Variants in DGLUCY observed in about 807,000 individuals in gnomAD.
DGLUCY encodes the protein D-glutamate cyclase, mitochondrial.
DGLUCY carries 58 observed loss-of-function variants against 58.5 expected under a neutral mutation model. The observed-to-expected ratio is 0.99, with a 90% CI of 0.80 to 1.23. The LOEUF is 1.23. DGLUCY is among the 50% of genes most tolerant of loss of function. DGLUCY has a pLI of 0.00. For missense variants in DGLUCY, 779 were observed against 784.7 expected (o/e 0.99, Z 0.09); for synonymous variants, 325 against 314.1 (o/e 1.03, Z -0.37).
Position 91,167,504 on chromosome 14 carries a change from C to T in DGLUCY, c.257+126C>T, listed in dbSNP as rs1052107113. On this transcript the variant is annotated intron_variant, in intron 4 of 13. Coordinates refer to ENST00000256324, the MANE Select transcript of DGLUCY (RefSeq NM_001102368.3). ...CTTCACAGTGCCTGGCACAGAACCT[C>T]ACTCATGACTGTTGCTCAGGAACGA... 6 of 1,255,172 alleles carry T rather than the reference C, an allele frequency of 4.8e-6. No individual in the cohort carries two copies. The African/African-American group carries it at 6.0e-5, about 12-fold the overall frequency. 77.8% of individuals were successfully genotyped at this position (1,255,172 alleles called of 1,614,324 possible). A position where few individuals can be genotyped will look rare whatever the true frequency, so the allele number is the denominator to read the frequency against.
intron 1 of DGLUCY, among the ~76,000 whole-genome samples, chr14:91,137,553 T>A (rs78842110): frequency 1.6e-5 from 1 of 63,186 alleles, no homozygotes; most frequent in Non-Finnish European, 3.6e-5. Context: ...GCCTGGCTAA[T>A]TTTTTTTTTT....
chr14:91,091,963 A>G (rs139493717), intron 1 of DGLUCY, among the ~76,000 whole-genome samples: 72 of 152,062 alleles, frequency 4.7e-4, no homozygotes, highest in African/African-American at 1.7e-3. Context: ...CTGATGTCCT[A>G]CTCACGGAAA....
chr14:91,088,698 G>C (rs977089200), intron 1 of DGLUCY, among the ~76,000 whole-genome samples: 1 of 152,216 alleles, frequency 6.6e-6, no homozygotes, highest in African/African-American at 2.4e-5. Flanking sequence ...TGCAGGCCAC[G>C]GTGACCTCAA....
intron 11 of DGLUCY, among the ~76,000 whole-genome samples, chr14:91,201,541 C>T (rs1363333699): frequency 6.6e-6 from 1 of 152,080 alleles, no homozygotes; most frequent in African/African-American, 2.4e-5. Flanking sequence ...TCGTGATCCG[C>T]CTGCCTCTGC....
At position 91,224,862 on chromosome 14, in the gene DGLUCY, C is replaced by A; in HGVS notation, c.*29C>A. Reference sequence around the variant, plus strand: ...TCCATGTTCCGTGTGAGCAGAGTCCCTACCAACGGGCAGGTCTGCATCCGG... The same window carrying A: ...TCCATGTTCCGTGTGAGCAGAGTCCATACCAACGGGCAGGTCTGCATCCGG... On this transcript the variant is annotated 3_prime_UTR_variant, in exon 14 of 14. Transcript: ENST00000256324. The A allele has an allele frequency of 6.4e-7, 1 of 1,564,922 alleles. No individual in the cohort carries two copies. Among genetic ancestry groups the A allele is most frequent in the South Asian group, 1.2e-5 (1 of 86,828 alleles).
At chr14:91,083,579 T>G (rs1233589861) in intron 1 of DGLUCY, among the ~76,000 whole-genome samples, 1 of 151,328 alleles carries the variant, frequency 6.6e-6, no homozygotes, top group Non-Finnish European at 1.5e-5. Context: ...TCTCCACGCC[T>G]GACCCAGATG....
intron 12 of DGLUCY, among the ~76,000 whole-genome samples, chr14:91,209,623 G>A (rs866596663): frequency 1.3e-5 from 2 of 151,792 alleles, no homozygotes; most frequent in East Asian, 2.0e-4. Flanking sequence ...CAGGAGAATC[G>A]CTTTAACCCG....
chr14:91,077,064 G>A (rs571356763), intron 1 of DGLUCY, among the ~76,000 whole-genome samples: 35 of 152,224 alleles, frequency 2.3e-4, no homozygotes, highest in African/African-American at 8.2e-4. Flanking sequence ...GCAACATCGT[G>A]AGAGCCTGTC....
chr14:91,103,097 C>A (rs1403125866), upstream of DGLUCY, among the ~76,000 whole-genome samples: 1 of 151,938 alleles, frequency 6.6e-6, no homozygotes, highest in East Asian at 1.9e-4. Context: ...TGCAAAGATA[C>A]CCCCATGTTT....
intron 9 of DGLUCY, among the ~76,000 whole-genome samples, chr14:91,195,117 T>A (rs1315606896): frequency 6.6e-6 from 1 of 152,156 alleles, no homozygotes. Flanking sequence ...CAAGGCTACC[T>A]TGGCAGCCAT....
At chr14:91,188,510 CT>C (rs1301236917) in intron 8 of DGLUCY, among the ~76,000 whole-genome samples, 1 of 152,188 alleles carries the variant, frequency 6.6e-6, no homozygotes, top group Non-Finnish European at 1.5e-5. Flanking sequence ...ACTACTCTTA[CT>C]GTAAAGTTTC....
At chr14:91,093,795 AAAACAAACAAAC>A (rs55667197) in intron 1 of DGLUCY, among the ~76,000 whole-genome samples, 6 of 150,840 alleles carry the variant, frequency 4.0e-5, no homozygotes, top group Non-Finnish European at 7.4e-5. Context: ...ACAGAGCAAC[AAAACAAACAAAC>A]AAACAAACAA....
chr14:91,101,864 T>G (rs1459646174), intron 1 of DGLUCY, among the ~76,000 whole-genome samples: 1 of 152,150 alleles, frequency 6.6e-6, no homozygotes, highest in East Asian at 1.9e-4. Context: ...CCAGCTAATT[T>G]TTTATTTTTT....
chr14:91,133,253 C>T (rs1221645665), intron 1 of DGLUCY, among the ~76,000 whole-genome samples: 2 of 152,000 alleles, frequency 1.3e-5, no homozygotes, highest in Non-Finnish European at 2.9e-5. Context: ...CGAGATCTTG[C>T]CACTGCACTC....
intron 3 of DGLUCY, among the ~76,000 whole-genome samples, chr14:91,164,335 C>T (rs2048158801): frequency 6.6e-6 from 1 of 152,184 alleles, no homozygotes; most frequent in Non-Finnish European, 1.5e-5. Context: ...GACAAGTATG[C>T]ACAGCTCTGT....
chr14:91,218,348 A>G (rs1304067587), intron 13 of DGLUCY, among the ~76,000 whole-genome samples: 1 of 152,068 alleles, frequency 6.6e-6, no homozygotes, highest in Non-Finnish European at 1.5e-5. Flanking sequence ...ATTTCTACCT[A>G]GTCCTTCATA....
At chr14:91,079,907 A>G (rs909959185) in intron 1 of DGLUCY, among the ~76,000 whole-genome samples, 3 of 152,214 alleles carry the variant, frequency 2.0e-5, no homozygotes, top group African/African-American at 7.2e-5. Context: ...CCATCACCCT[A>G]TCTACACCCA....
At chr14:91,199,323 G>A (rs1305028605) in intron 10 of DGLUCY, among the ~76,000 whole-genome samples, 5 of 151,400 alleles carry the variant, frequency 3.3e-5, no homozygotes, top group East Asian at 1.9e-4. Flanking sequence ...GCAGTGGTGC[G>A]ATCTCAGCTC....
chr14:91,121,609 AAATAATAATAATAAT>A (rs55743510), intron 1 of DGLUCY, among the ~76,000 whole-genome samples: 3,675 of 142,788 alleles, frequency 0.026, 68 homozygotes, highest in Middle Eastern at 0.051. Context: ...TCCATCTCAA[AAATAATAATAATAAT>A]AATAATAATA....
Sources: gnomAD v4.1 joint callset for allele counts (sites outside exome capture counted in the v4.1 genomes callset) on GRCh38, gnomAD v4.1.1 for gene constraint, MANE v1.5 for transcripts, NCBI Gene and HGNC (gene_info 2026-07-23, HGNC 2026-07-21) for gene names.